ABITRAM: variants seen among roughly 807,000 people sequenced by gnomAD.
ABITRAM encodes protein Abitram.
A neutral mutation model predicts 22.9 loss-of-function variants in ABITRAM; 19 were observed. The ratio of observed to expected loss-of-function variants is 0.83; its 90% CI spans 0.58 to 1.22. ABITRAM has a LOEUF of 1.22. Among genes scored for constraint, ABITRAM ranks in the 50% most tolerant of loss-of-function variants. The pLI is 0.00. For missense variants in ABITRAM, 215 were observed against 220.2 expected (o/e 0.98, Z 0.15); for synonymous variants, 70 against 73.9 (o/e 0.95, Z 0.27).
chr9:108,939,813 A>AG lies in ABITRAM; in HGVS notation c.*128dup. 9.2e-7 allele frequency: 1 copy of AG among 1,089,948 alleles called. No individual in the cohort carries two copies. The highest frequency in any genetic ancestry group is 2.5e-5 in the East Asian group (1 of 39,598). The allele number at this position is 1,089,948 out of a possible 1,614,324, so 67.5% of individuals were successfully genotyped here. A position where few individuals can be genotyped will look rare whatever the true frequency, so the allele number is the denominator to read the frequency against. On this transcript the variant is annotated 3_prime_UTR_variant, in exon 6 of 6. Coordinates refer to ENST00000322940, the MANE Select transcript of ABITRAM (RefSeq NM_017832.4). Reference sequence around the variant, plus strand: ...AGCCAGCCATATGCAGGGGAGGCCTAGTGCTTCACTTAGTTTTCCCTCTCT... The same window carrying AG: ...AGCCAGCCATATGCAGGGGAGGCCTAGGTGCTTCACTTAGTTTTCCCTCTCT...
chr9:108,939,816 G>T lies in ABITRAM; in HGVS notation c.*130G>T. 9.4e-7 allele frequency: 1 copy of T among 1,062,854 alleles called. No individual in the cohort carries two copies. Among genetic ancestry groups the T allele is most frequent in the East Asian group, 2.6e-5 (1 of 39,092 alleles). 65.8% of individuals were successfully genotyped at this position (1,062,854 alleles called of 1,614,324 possible). A position where few individuals can be genotyped will look rare whatever the true frequency, so the allele number is the denominator to read the frequency against. ...CAGCCATATGCAGGGGAGGCCTAGT[G>T]CTTCACTTAGTTTTCCCTCTCTGTC... On this transcript the variant is annotated 3_prime_UTR_variant, in exon 6 of 6. Transcript: ENST00000322940.
intron 3 of ABITRAM, among the ~76,000 whole-genome samples, chr9:108,949,409 T>A (rs1359806027): frequency 6.6e-6 from 1 of 152,212 alleles, no homozygotes; most frequent in Non-Finnish European, 1.5e-5. Flanking sequence ...GATGCTATAA[T>A]CTTTTTTTAA....
Position 108,939,954 on chromosome 9 carries a change from T to A in ABITRAM, c.*268T>A. 2.9e-6 allele frequency: 1 copy of A among 341,028 alleles called. No individual in the cohort carries two copies. Among genetic ancestry groups the A allele is most frequent in the African/African-American group, 2.1e-5 (1 of 47,556 alleles). 21.1% of individuals were successfully genotyped at this position (341,028 alleles called of 1,614,324 possible). A position where few individuals can be genotyped will look rare whatever the true frequency, so the allele number is the denominator to read the frequency against. Reference sequence around the variant, plus strand: ...ACAACTGGCATGCAAGGCATGTTTTTCTGATTAAAAACAAACAAAGCTCTT... The same window carrying A: ...ACAACTGGCATGCAAGGCATGTTTTACTGATTAAAAACAAACAAAGCTCTT... On this transcript the variant is annotated 3_prime_UTR_variant, in exon 6 of 6. Coordinates refer to ENST00000322940, the MANE Select transcript of ABITRAM (RefSeq NM_017832.4).
intron 3 of ABITRAM, among the ~76,000 whole-genome samples, chr9:108,949,796 A>G (rs1003495578): frequency 1.3e-5 from 2 of 152,316 alleles, no homozygotes; most frequent in South Asian, 2.1e-4. Context: ...GTGAGCCGAG[A>G]TTGCACCACT....
At position 108,939,680 on chromosome 9, in the gene ABITRAM, G is replaced by A. The variant is rs368592406; in HGVS notation, c.540G>A (p.Thr180=). Residue 180 remains threonine (T), a synonymous_variant, in exon 6 of 6, where the codon ACG becomes ACA. Transcript: ENST00000322940. Reference sequence around the variant, plus strand: ...AACGCATTAATGCCACAACAGCTACGTCATGAGGATTGACATGGAACAAAA... The same window carrying A: ...AACGCATTAATGCCACAACAGCTACATCATGAGGATTGACATGGAACAAAA... The part of the protein sequence containing the change: ...MVKRINATTA[T]S The A allele has an allele frequency of 7.0e-5, 113 of 1,613,866 alleles. No homozygotes were observed. The Middle Eastern group carries it at 2.8e-3, about 40-fold the overall frequency.
Position 108,939,991 on chromosome 9 carries a change from T to C in ABITRAM, c.*305T>C. On this transcript the variant is annotated 3_prime_UTR_variant, in exon 6 of 6. Transcript: ENST00000322940. ...CAAACAAAGCTCTTTGAAGAAGATT[T>C]AGAAAATACAGAAGAGTTTTAAGTA... The C allele has an allele frequency of 3.6e-6, 1 of 274,172 alleles. No individual in the cohort carries two copies. The allele number at this position is 274,172 out of a possible 1,614,324, so 17.0% of individuals were successfully genotyped here.
chr9:108,939,812 T>C lies in ABITRAM; in HGVS notation c.*126T>C. The stretch of plus-strand genomic sequence containing the variant: ...CAGCCAGCCATATGCAGGGGAGGCC[T>C]AGTGCTTCACTTAGTTTTCCCTCTC... On this transcript the variant is annotated 3_prime_UTR_variant, in exon 6 of 6. Transcript: ENST00000322940. The C allele has an allele frequency of 9.0e-7, 1 of 1,105,388 alleles. No homozygotes were observed. Among genetic ancestry groups the C allele is most frequent in the East Asian group, 2.5e-5 (1 of 39,702 alleles). The allele number at this position is 1,105,388 out of a possible 1,614,324, so 68.5% of individuals were successfully genotyped here.
At chr9:108,948,211 G>A (rs2132084581) in intron 3 of ABITRAM, 1 of 1,612,162 alleles carries the variant, frequency 6.2e-7, no homozygotes, top group South Asian at 1.1e-5. Context: ...TAAATCCTGG[G>A]AAGTTTTCAG....
rs760826281 is a variant in ABITRAM, at chr9:108,939,629, A to G, written c.489A>G (p.Gln163=). 1 of 1,614,170 alleles carries G rather than the reference A, an allele frequency of 6.2e-7. No individual in the cohort carries two copies. The highest frequency in any genetic ancestry group is 8.5e-7 in the Non-Finnish European group (1 of 1,179,990). The change falls in exon 6 of 6, where the codon CAA becomes CAG. Residue 163 remains glutamine, a synonymous_variant. Coordinates refer to ENST00000322940, the MANE Select transcript of ABITRAM (RefSeq NM_017832.4). ...SKSITEGLLT[Q]KQYEEVMVKR... is the part of the protein sequence containing the mutation. Reference sequence around the variant, plus strand: ...GCATAACAGAAGGGTTACTGACACAAAAACAATATGAAGAAGTCATGGTGA... The same window carrying G: ...GCATAACAGAAGGGTTACTGACACAGAAACAATATGAAGAAGTCATGGTGA...
rs115278208 is a variant in ABITRAM, at chr9:108,936,727, A to G, written c.261+290A>G. On this transcript the variant is annotated intron_variant, in intron 3 of 5. Coordinates refer to ENST00000322940, the MANE Select transcript of ABITRAM (RefSeq NM_017832.4). ...GAAAGGAGAACTCTAATAGCAATAT[A>G]ACAAGATATTTTGTCCCTTCTAGTT... is the stretch of plus-strand genomic sequence containing the variant. Among the ~76,000 whole-genome samples the G allele has an allele frequency of 2.5e-3, 388 of 152,320 alleles. 3 individuals are homozygous for G. The highest frequency in any genetic ancestry group is 8.7e-3 in the African/African-American group (360 of 41,574).
rs550023752 is a variant in ABITRAM at position 108,938,698 on chromosome 9, G to A, written c.262-498G>A. Among the ~76,000 whole-genome samples, 8 of 144,592 alleles carry A rather than the reference G, an allele frequency of 5.5e-5. No homozygotes were observed. The South Asian group carries it at 2.0e-3, about 35-fold the overall frequency. 94.9% of individuals were successfully genotyped at this position (144,592 alleles called of 152,430 possible). The stretch of plus-strand genomic sequence containing the variant: ...ACACTGGGGAATTACAAAGGGGGGG[G>A]GGGGAAAGAACAATATCCCTTCTTC... On this transcript the variant is annotated intron_variant, in intron 3 of 5. Transcript: ENST00000322940.
At chr9:108,941,012 A>G (rs191208374), downstream of ABITRAM, 1 of 152,316 alleles carries the variant, frequency 6.6e-6, no homozygotes, top group Admixed American at 6.5e-5. Context: ...TGTTGAAGTC[A>G]TAAGTTACCC....
chr9:108,950,529 T>C (rs1205797056), exon 4 of ABITRAM: 12 of 1,550,306 alleles, frequency 7.7e-6, no homozygotes, highest in Admixed American at 2.0e-5. Context: ...CTAGAAAAGG[T>C]AGAAGACGTC....
exon 4 of ABITRAM, chr9:108,950,655 C>T (rs2132090219): frequency 6.5e-7 from 1 of 1,529,318 alleles, no homozygotes; most frequent in East Asian, 2.5e-5. Context: ...TCTGCTGCCT[C>T]ACCTATCCCA....
At chr9:108,934,597 G>A in intron 1 of ABITRAM, 32 bp downstream of exon 1, 1 of 1,570,532 alleles carries the variant, frequency 6.4e-7, no homozygotes, top group Non-Finnish European at 8.7e-7. Context: ...TCCCTCCTTG[G>A]CCGCACTGGC....
chr9:108,943,019 C>G (rs1340694603), downstream of ABITRAM: 2 of 1,612,322 alleles, frequency 1.2e-6, no homozygotes, highest in African/African-American at 1.3e-5. Context: ...CATCATGGAT[C>G]TTGTCTTCGT....
intron 3 of ABITRAM, among the ~76,000 whole-genome samples, chr9:108,949,537 A>C (rs1830498132): frequency 6.6e-6 from 1 of 152,140 alleles, no homozygotes; most frequent in Non-Finnish European, 1.5e-5. Context: ...GCGAAACGCT[A>C]TCTCTACTAA....
At chr9:108,936,190 G>A in intron 2 of ABITRAM, 118 bp from the exon 3 acceptor site, 3 of 1,117,144 alleles carry the variant, frequency 2.7e-6, no homozygotes, top group Non-Finnish European at 3.8e-6. Context: ...AAGGAAAAAG[G>A]GGGAAGATGA....
chr9:108,934,555 G>C lies in ABITRAM; in HGVS notation c.69G>C (p.Trp23Cys), dbSNP rs370627190. The C allele has an allele frequency of 2.5e-6, 4 of 1,605,094 alleles. No homozygotes were observed. In the Admixed American group the frequency reaches 5.1e-5, roughly 20 times the overall value. The change falls in exon 1 of 6, where the codon TGG becomes TGC. Residue 23 changes from tryptophan to cysteine, a missense_variant. Coordinates refer to ENST00000322940, the MANE Select transcript of ABITRAM (RefSeq NM_017832.4). Reference protein sequence around the residue: ...PSLVDRYFTRWYKPDVKGKFC... With the variant: ...PSLVDRYFTRCYKPDVKGKFC... ...TCGTGGATCGATACTTCACTCGCTG[G>C]TACAAACCGGGTAAGTGCGGAGTGA...
Sources: gnomAD v4.1 joint callset for allele counts (sites outside exome capture counted in the v4.1 genomes callset) on GRCh38, gnomAD v4.1.1 for gene constraint, MANE v1.5 for transcripts, NCBI Gene and HGNC (gene_info 2026-07-23, HGNC 2026-07-21) for gene names.